Variants in FHIP1A observed in about 807,000 individuals in gnomAD.
FHIP1A encodes FHF complex subunit HOOK-interacting protein 1A.
FHIP1A carries 61 observed loss-of-function variants against 88.6 expected under a neutral mutation model. The observed-to-expected ratio is 0.69, with a 90% CI of 0.56 to 0.85. FHIP1A has a LOEUF of 0.85. Among genes scored for constraint, FHIP1A ranks in the 40% least tolerant of loss-of-function variants. The probability of loss-of-function intolerance (pLI) is 0.00; values close to 1 mark genes in which losing one functional copy is unlikely to be tolerated. For synonymous variants in FHIP1A, 478 were observed against 496.0 expected (o/e 0.96, Z 0.48); for missense variants, 1,154 against 1,273.5 (o/e 0.91, Z 1.43).
chr4:151,444,532 C>G lies in FHIP1A; in HGVS notation c.-355-10169C>G, dbSNP rs185034998. On this transcript the variant is annotated intron_variant, in intron 1 of 13. Transcript: ENST00000435205. ...ATCCCTTTTGTCCCCCACCCACTCC[C>G]CACGTTTCTCCTATGGTGACCATTA... 2.6e-3 allele frequency among the ~76,000 whole-genome samples: 400 copies of G among 152,268 alleles called. 2 individuals are homozygous for G. Among genetic ancestry groups the G allele is most frequent in the African/African-American group, 9.3e-3 (388 of 41,548 alleles).
At chr4:151,632,787 G>T (rs1337051860) in intron 8 of FHIP1A, among the ~76,000 whole-genome samples, 1 of 152,020 alleles carries the variant, frequency 6.6e-6, no homozygotes, top group South Asian at 2.1e-4. Flanking sequence ...AAGTGAAAAT[G>T]AAAGCACAAT....
chr4:151,580,640 C>T (rs761733216), intron 5 of FHIP1A, among the ~76,000 whole-genome samples: 1 of 152,092 alleles, frequency 6.6e-6, no homozygotes, highest in Non-Finnish European at 1.5e-5. Context: ...AGAAATCTGG[C>T]ACTTATTTAC....
chr4:151,645,071 CCT>C (rs1338960073), intron 9 of FHIP1A, among the ~76,000 whole-genome samples: 1 of 152,222 alleles, frequency 6.6e-6, no homozygotes, highest in Admixed American at 6.5e-5. Flanking sequence ...AGTCTTGCCC[CCT>C]GTTCCATACT....
chr4:151,585,452 T>A (rs1254162796), intron 5 of FHIP1A, among the ~76,000 whole-genome samples: 1 of 152,182 alleles, frequency 6.6e-6, no homozygotes, highest in Non-Finnish European at 1.5e-5. Context: ...ATGCTGGGAT[T>A]ACAGGCATGA....
At chr4:151,609,806 A>G (rs553582806) in intron 7 of FHIP1A, among the ~76,000 whole-genome samples, 1 of 152,330 alleles carries the variant, frequency 6.6e-6, no homozygotes, top group African/African-American at 2.4e-5. Context: ...CGTAGGATCT[A>G]TATCACCTTG....
chr4:151,468,548 G>A (rs1232742720), intron 2 of FHIP1A, among the ~76,000 whole-genome samples: 4 of 152,102 alleles, frequency 2.6e-5, no homozygotes, highest in East Asian at 3.9e-4. Flanking sequence ...TCACTCTTAC[G>A]TGAAGTCTCA....
At chr4:151,555,286 A>T (rs900028656) in intron 3 of FHIP1A, among the ~76,000 whole-genome samples, 2 of 152,156 alleles carry the variant, frequency 1.3e-5, no homozygotes, top group Non-Finnish European at 2.9e-5. Flanking sequence ...CTTTCAAAAA[A>T]CATACTTTTC....
intron 3 of FHIP1A, among the ~76,000 whole-genome samples, chr4:151,514,643 A>G (rs1277312666): frequency 6.6e-6 from 1 of 152,206 alleles, no homozygotes; most frequent in Non-Finnish European, 1.5e-5. Context: ...TCCCACTGAA[A>G]TACAAACTAC....
At chr4:151,497,019 G>C (rs1045662987) in intron 3 of FHIP1A, among the ~76,000 whole-genome samples, 1 of 152,142 alleles carries the variant, frequency 6.6e-6, no homozygotes, top group East Asian at 1.9e-4. Context: ...ACAATATATA[G>C]CTGGGAATTT....
At chr4:151,422,063 G>A (rs1561488111) in intron 1 of FHIP1A, among the ~76,000 whole-genome samples, 1 of 151,686 alleles carries the variant, frequency 6.6e-6, no homozygotes, top group Admixed American at 6.6e-5. Flanking sequence ...TATATGAGGG[G>A]TATGCTGCTT....
chr4:151,586,743 C>T lies in FHIP1A; in HGVS notation c.835C>T (p.Leu279Phe). Residue 279 changes from leucine (L) to phenylalanine (F), a missense_variant, in exon 6 of 14, where the codon CTT becomes TTT. By Grantham distance (22) the Leu-to-Phe change is conservative (BLOSUM62 0). Transcript: ENST00000435205. ...CCTTCTGAAAGATGACTGGCTTCTA[C>T]TTCCTTCTCTTGTCCAGTTCATGAA... ...HCLLKDDWLLLPSLVQFMNSL... is the reference protein window; with the variant it reads ...HCLLKDDWLLFPSLVQFMNSL... 2 of 1,551,446 alleles carry T rather than the reference C, an allele frequency of 1.3e-6. No individual in the cohort carries two copies. Among genetic ancestry groups the T allele is most frequent in the Non-Finnish European group, 1.7e-6 (2 of 1,146,772 alleles).
intron 3 of FHIP1A, among the ~76,000 whole-genome samples, chr4:151,505,649 C>A (rs901022310): frequency 7.2e-5 from 11 of 152,252 alleles, no homozygotes; most frequent in Non-Finnish European, 1.5e-4. Context: ...ATCTTTAATT[C>A]TCTGCTGTTG....
At chr4:151,525,447 GC>G (rs1731594818) in intron 3 of FHIP1A, among the ~76,000 whole-genome samples, 1 of 152,242 alleles carries the variant, frequency 6.6e-6, no homozygotes, top group African/African-American at 2.4e-5. Context: ...AGGTAGAGCA[GC>G]CAGGCTCATC....
In FHIP1A at chr4:151,668,018, T is replaced by C. The variant is rs1203792177; in HGVS notation, c.*5264T>C. ...AAAGGCCCACCTGTAACAAGGCCCC[T>C]TTTTGCCCTGTGGATATTTTAAAAG... is the stretch of plus-strand genomic sequence containing the variant. On this transcript the variant is annotated 3_prime_UTR_variant, in exon 14 of 14. Transcript: ENST00000435205. Among the ~76,000 whole-genome samples the C allele has an allele frequency of 1.3e-5, 2 of 152,180 alleles. No homozygotes were observed. The highest frequency in any genetic ancestry group is 6.5e-5 in the Admixed American group (1 of 15,274).
rs1347303312 is a variant in FHIP1A, at chr4:151,669,250, C to T, written c.*6496C>T. ...TGGCTTTCAGGATTTCAGAAGCTGGCATTCAAGACAACAGGCAGTTTGTCA... is the reference window on the plus strand; with the variant it reads ...TGGCTTTCAGGATTTCAGAAGCTGGTATTCAAGACAACAGGCAGTTTGTCA... On this transcript the variant is annotated 3_prime_UTR_variant, in exon 14 of 14. Coordinates refer to ENST00000435205, the MANE Select transcript of FHIP1A (RefSeq NM_001109977.3). Among the ~76,000 whole-genome samples the T allele has an allele frequency of 1.3e-5, 2 of 152,210 alleles. No individual in the cohort carries two copies. Among genetic ancestry groups the T allele is most frequent in the Non-Finnish European group, 2.9e-5 (2 of 68,044 alleles).
intron 7 of FHIP1A, among the ~76,000 whole-genome samples, chr4:151,615,047 T>C (rs146843640): frequency 4.7e-4 from 71 of 152,268 alleles, no homozygotes; most frequent in African/African-American, 1.7e-3. Context: ...CTGACAAATG[T>C]AGCTGAATTG....
chr4:151,535,515 C>T (rs979797544), intron 3 of FHIP1A, among the ~76,000 whole-genome samples: 8 of 152,208 alleles, frequency 5.3e-5, no homozygotes, highest in Non-Finnish European at 1.0e-4. Flanking sequence ...CTGGAATTTA[C>T]ACTATATATA....
intron 10 of FHIP1A, 84 bp from the exon 11 acceptor site, chr4:151,649,375 C>A: frequency 1.1e-6 from 1 of 942,920 alleles, no homozygotes; most frequent in South Asian, 1.7e-5. Flanking sequence ...AAGACACAGT[C>A]TTAGCCCGAA....
At chr4:151,412,242 A>C (rs1189768136) in intron 1 of FHIP1A, among the ~76,000 whole-genome samples, 1 of 152,096 alleles carries the variant, frequency 6.6e-6, no homozygotes, top group Non-Finnish European at 1.5e-5. Context: ...AGCTGGGATT[A>C]CAGGTGCCCA....
Sources: gnomAD v4.1 joint callset for allele counts (sites outside exome capture counted in the v4.1 genomes callset) on GRCh38, gnomAD v4.1.1 for gene constraint, MANE v1.5 for transcripts, NCBI Gene and HGNC (gene_info 2026-07-23, HGNC 2026-07-21) for gene names.